Variants in INPP4B observed in about 807,000 individuals in gnomAD.
INPP4B encodes inositol polyphosphate-4-phosphatase type II B.
INPP4B carries 55 observed loss-of-function variants against 122.5 expected under a neutral mutation model. The ratio of observed to expected loss-of-function variants is 0.45; its 90% CI spans 0.36 to 0.56. INPP4B has a LOEUF of 0.56. Ranked by LOEUF, INPP4B falls within the 20% of genes least tolerant of loss-of-function variation. INPP4B has a pLI of 0.00. For synonymous variants in INPP4B, 403 were observed against 388.7 expected, an observed-to-expected ratio of 1.04 and a Z score of -0.43; for missense variants, 1,000 against 1,097.7, an observed-to-expected ratio of 0.91 and a Z score of 1.26.
intron 15 of INPP4B, among the ~76,000 whole-genome samples, chr4:142,187,384 A>G (rs1833623909): frequency 6.6e-6 from 1 of 152,116 alleles, no homozygotes. Flanking sequence ...GATAAATTTT[A>G]GCTATAGCCT....
chr4:142,217,345 A>T (rs1002391356), intron 12 of INPP4B, among the ~76,000 whole-genome samples: 2 of 152,144 alleles, frequency 1.3e-5, no homozygotes, highest in Non-Finnish European at 2.9e-5. Context: ...TTTTTGTCCA[A>T]CCGCAGTCTC....
At chr4:142,227,172 C>T (rs1851924179) in intron 12 of INPP4B, among the ~76,000 whole-genome samples, 1 of 152,002 alleles carries the variant, frequency 6.6e-6, no homozygotes, top group Non-Finnish European at 1.5e-5. Context: ...ATACTTAGAA[C>T]CAAGCATGAA....
chr4:142,452,012 T>A (rs78723594), intron 3 of INPP4B, among the ~76,000 whole-genome samples: 4 of 152,218 alleles, frequency 2.6e-5, no homozygotes, highest in Non-Finnish European at 4.4e-5. Flanking sequence ...CATCAACTCA[T>A]CATTTACATT....
intron 2 of INPP4B, among the ~76,000 whole-genome samples, chr4:142,613,364 C>T (rs138984811): frequency 4.5e-4 from 68 of 152,256 alleles, no homozygotes; most frequent in African/African-American, 1.5e-3. Flanking sequence ...AATGCATGCT[C>T]TTTATTTTTC....
intron 7 of INPP4B, among the ~76,000 whole-genome samples, chr4:142,366,564 C>T (rs1195196000): frequency 1.3e-5 from 2 of 152,014 alleles, no homozygotes; most frequent in Admixed American, 6.6e-5. Flanking sequence ...GTAGGCAAAT[C>T]GTCACCAATA....
At chr4:142,526,731 A>G (rs1560759128) in intron 2 of INPP4B, among the ~76,000 whole-genome samples, 1 of 152,060 alleles carries the variant, frequency 6.6e-6, no homozygotes. Flanking sequence ...ATAGTTCTTT[A>G]GTGTTTCTCA....
At chr4:142,758,586 C>T (rs1234461924) in intron 1 of INPP4B, among the ~76,000 whole-genome samples, 1 of 152,114 alleles carries the variant, frequency 6.6e-6, no homozygotes, top group Non-Finnish European at 1.5e-5. Context: ...TTGGACTCTG[C>T]AATTCTATGA....
rs564236792 is a variant in INPP4B at position 142,751,703 on chromosome 4, A to G, written c.-253-25802T>C. 2.0e-4 allele frequency among the ~76,000 whole-genome samples: 31 copies of G among 152,214 alleles called. No homozygotes were observed. In the South Asian group the frequency reaches 4.8e-3, roughly 23 times the overall value. On this transcript the variant is annotated intron_variant, in intron 1 of 25. Coordinates refer to ENST00000262992, the MANE Select transcript of INPP4B (RefSeq NM_001101669.3). ...ATATGGAGCTATGATGAAAGAGAGTACTATCTTGAAGTCAGCTGGAACATA... is the reference window on the plus strand; with the variant it reads ...ATATGGAGCTATGATGAAAGAGAGTGCTATCTTGAAGTCAGCTGGAACATA...
chr4:142,804,154 C>A (rs1778382982), intron 1 of INPP4B, among the ~76,000 whole-genome samples: 1 of 151,872 alleles, frequency 6.6e-6, no homozygotes, highest in Non-Finnish European at 1.5e-5. Context: ...TCATCGTGAC[C>A]AGATATGGCT....
At chr4:142,179,223 A>T (rs1237268606) in intron 15 of INPP4B, among the ~76,000 whole-genome samples, 1 of 152,170 alleles carries the variant, frequency 6.6e-6, no homozygotes, top group African/African-American at 2.4e-5. Context: ...CTGTAGTCCC[A>T]GCATTTTGGG....
At chr4:142,593,107 A>T (rs141358338) in intron 2 of INPP4B, among the ~76,000 whole-genome samples, 2 of 140,752 alleles carry the variant, frequency 1.4e-5, no homozygotes, top group Non-Finnish European at 1.6e-5. Context: ...CTGTTTTTAA[A>T]AAAAAAAAAA....
In INPP4B at chr4:142,650,842, A is replaced by C. The variant is rs745579307; in HGVS notation, c.-191+74997T>G. Among the ~76,000 whole-genome samples the C allele has an allele frequency of 3.9e-5, 6 of 152,220 alleles. No homozygotes were observed. The East Asian group carries it at 9.6e-4, about 24-fold the overall frequency. On this transcript the variant is annotated intron_variant, in intron 2 of 25. Coordinates refer to ENST00000262992, the MANE Select transcript of INPP4B (RefSeq NM_001101669.3). Reference sequence around the variant, plus strand: ...CAGAAGGTTAACAAGGATATCCAGGACTTGAACACAGCTCTGGATCAAGCG... The same window carrying C: ...CAGAAGGTTAACAAGGATATCCAGGCCTTGAACACAGCTCTGGATCAAGCG...
intron 3 of INPP4B, among the ~76,000 whole-genome samples, chr4:142,442,886 G>A (rs1812125231): frequency 6.6e-6 from 1 of 152,166 alleles, no homozygotes; most frequent in Non-Finnish European, 1.5e-5. Context: ...CAATCATGGT[G>A]GAAGGCAAAG....
At chr4:142,204,000 T>A (rs1234397672) in intron 14 of INPP4B, among the ~76,000 whole-genome samples, 1 of 152,114 alleles carries the variant, frequency 6.6e-6, no homozygotes, top group Non-Finnish European at 1.5e-5. Flanking sequence ...CAAAATCTGT[T>A]AAATACATGT....
At chr4:142,579,886 GATAGATAGATAGA>G (rs1560824509) in intron 2 of INPP4B, among the ~76,000 whole-genome samples, 89 of 132,014 alleles carry the variant, frequency 6.7e-4, no homozygotes, top group Middle Eastern at 3.8e-3. Context: ...TAGGTAGATA[GATAGATAGATAGA>G]TAGATAGATA....
intron 9 of INPP4B, among the ~76,000 whole-genome samples, chr4:142,283,343 T>C (rs779214813): frequency 6.6e-6 from 1 of 152,084 alleles, no homozygotes; most frequent in Non-Finnish European, 1.5e-5. Context: ...TTTGAGACAC[T>C]TATTTAGTGT....
chr4:142,467,714 G>T (rs889971756), intron 2 of INPP4B, among the ~76,000 whole-genome samples: 1 of 151,972 alleles, frequency 6.6e-6, no homozygotes, highest in Non-Finnish European at 1.5e-5. Flanking sequence ...ATGAGATTTC[G>T]GGGTCCAGGG....
At chr4:142,659,030 T>C (rs1560931173) in intron 2 of INPP4B, among the ~76,000 whole-genome samples, 1 of 152,282 alleles carries the variant, frequency 6.6e-6, no homozygotes, top group East Asian at 1.9e-4. Context: ...CTGCACTTTA[T>C]GCAAATAATC....
intron 12 of INPP4B, among the ~76,000 whole-genome samples, chr4:142,230,793 A>G (rs192875683): frequency 7.9e-5 from 12 of 152,292 alleles, no homozygotes; most frequent in Admixed American, 5.9e-4. Flanking sequence ...CAAAAACTCA[A>G]TATACATTTT....
Sources: allele counts gnomAD v4.1 joint callset (sites outside exome capture counted in the v4.1 genomes callset), GRCh38; gene constraint gnomAD v4.1.1; transcripts MANE v1.5; gene names NCBI Gene and HGNC (gene_info 2026-07-23, HGNC 2026-07-21).